PKD2L1: variants seen among roughly 807,000 people sequenced by gnomAD.
The protein encoded by PKD2L1 is polycystin-2-like protein 1.
Under a neutral mutation model 93.0 loss-of-function variants are expected in PKD2L1, and 77 were observed. The observed-to-expected ratio is 0.83, with a 90% CI of 0.69 to 1.00. The LOEUF is 1.00. Among genes scored for constraint, PKD2L1 ranks in the 50% least tolerant of loss-of-function variants. PKD2L1 has a pLI of 0.00. For missense variants in PKD2L1, 977 were observed against 990.9 expected (o/e 0.99, Z 0.19); for synonymous variants, 390 against 388.0 (o/e 1.01, Z -0.06).
intron 3 of PKD2L1, 26 bp from the exon 4 acceptor site, chr10:100,298,841 T>C: frequency 1.3e-6 from 2 of 1,595,230 alleles, no homozygotes; most frequent in Non-Finnish European, 1.7e-6. Context: ...GCTTGAACCT[T>C]ACCCAGCCTC....
chr10:100,321,756 A>AAAGGAGGG (rs1849249183), intron 2 of PKD2L1, among the ~76,000 whole-genome samples: 1 of 1,834 alleles, frequency 5.5e-4, no homozygotes, highest in Non-Finnish European at 1.1e-3. Context: ...AGAAAGAAAG[A>AAAGGAGGG]AGGGAGGGAG....
At position 100,298,570 on chromosome 10, in the gene PKD2L1, A is replaced by G; in HGVS notation, c.723T>C (p.Asn241=). 1.2e-6 allele frequency: 2 copies of G among 1,614,152 alleles called. No individual in the cohort carries two copies. Among genetic ancestry groups the G allele is most frequent in the South Asian group, 2.2e-5 (2 of 91,078 alleles). ...KEEQLPFGPF[N]GTAWTYHSQD... ...AGGACAGGCTCACTCACGCTGTGCC[A>G]TTGAAGGGCCCAAAGGGGAGTTGTT... is the stretch of plus-strand genomic sequence containing the variant. The change falls in exon 4 of 16, where the codon AAT becomes AAC. Residue 241 remains asparagine (N), a synonymous_variant. Transcript: ENST00000318222.
rs145997401 is a variant in PKD2L1, at chr10:100,296,240, C to T, written c.1238G>A (p.Arg413Gln). The change falls in exon 7 of 16, where the codon CGG becomes CAG. Residue 413 changes from arginine (R) to glutamine (Q), a missense_variant. Arg to Gln is a conservative substitution (Grantham distance 43). Coordinates refer to ENST00000318222, the MANE Select transcript of PKD2L1 (RefSeq NM_016112.3). ...CTGCTGCAGGAGCTTCCCCATGAGC[C>T]GATTCACCTCGAGGGTTCGGAATAT... Reference protein sequence around the residue: ...FHIFRTLEVNRLMGKLLQQPN... With the variant: ...FHIFRTLEVNQLMGKLLQQPN... 1.8e-5 allele frequency: 29 copies of T among 1,610,362 alleles called. No individual in the cohort carries two copies. Among genetic ancestry groups the T allele is most frequent in the South Asian group, 6.6e-5 (6 of 90,378 alleles).
rs529114199 is a variant in PKD2L1 at position 100,296,207 on chromosome 10, G to A, written c.1271C>T (p.Thr424Met). ...GGCGAGGAACTCAAAGTCTGCATAC[G>A]TGTTTGGCTGCTGCAGGAGCTTCCC... ...LMGKLLQQPN[T>M]YADFEFLAFW... Residue 424 changes from threonine to methionine, a missense_variant, in exon 7 of 16, where the codon ACG (threonine) becomes ATG (methionine). Physicochemically the swap from Thr to Met is moderately conservative, Grantham distance 81 (BLOSUM62 -1). Transcript: ENST00000318222. 2.6e-5 allele frequency: 42 copies of A among 1,612,338 alleles called. No individual in the cohort carries two copies. The highest frequency in any genetic ancestry group is 2.1e-4 in the African/African-American group (16 of 74,926).
intron 2 of PKD2L1, among the ~76,000 whole-genome samples, chr10:100,322,383 C>T (rs1170677175): frequency 6.6e-6 from 1 of 151,846 alleles, no homozygotes; most frequent in Non-Finnish European, 1.5e-5. Flanking sequence ...AAAAATTAGC[C>T]GGGCATGGTC....
chr10:100,291,099 T>C (rs1401303386), intron 12 of PKD2L1, among the ~76,000 whole-genome samples: 1 of 152,232 alleles, frequency 6.6e-6, no homozygotes, highest in Non-Finnish European at 1.5e-5. Context: ...TTAATTGGTC[T>C]AGAGTGTGTG....
chr10:100,293,305 C>T lies in PKD2L1; in HGVS notation c.1734G>A (p.Leu578=). 1 of 1,611,952 alleles carries T rather than the reference C, an allele frequency of 6.2e-7. No homozygotes were observed. Among genetic ancestry groups the T allele is most frequent in the Non-Finnish European group, 8.5e-7 (1 of 1,177,976 alleles). Residue 578 remains leucine, a synonymous_variant, in exon 10 of 16, where the codon CTG becomes CTA. Coordinates refer to ENST00000318222, the MANE Select transcript of PKD2L1 (RefSeq NM_016112.3). ...KEELAGQKDE[L]QLSDLLKQGY... ...CCTGTTTCAGGAGGTCAGAAAGTTG[C>T]AGCTCATCCTTCTGTCCAGCCAGCT...
intron 2 of PKD2L1, among the ~76,000 whole-genome samples, chr10:100,305,410 G>C (rs989945953): frequency 8.5e-5 from 13 of 152,154 alleles, no homozygotes; most frequent in Non-Finnish European, 1.8e-4. Context: ...CACCACACCC[G>C]GCCAAGTGAA....
intron 5 of PKD2L1, 36 bp downstream of exon 5, chr10:100,297,346 A>G (rs1589664283): frequency 1.3e-6 from 2 of 1,575,698 alleles, no homozygotes; most frequent in Non-Finnish European, 1.7e-6. Flanking sequence ...ACCAGGAGCC[A>G]TGGACAGGGT....
intron 2 of PKD2L1, among the ~76,000 whole-genome samples, chr10:100,322,054 C>T (rs544683450): frequency 2.0e-4 from 31 of 151,916 alleles, no homozygotes; most frequent in African/African-American, 6.8e-4. Flanking sequence ...GGGGAAGCCC[C>T]GTCTCTATGA....
At chr10:100,328,085 T>C (rs1402875632) in intron 2 of PKD2L1, among the ~76,000 whole-genome samples, 2 of 152,204 alleles carry the variant, frequency 1.3e-5, no homozygotes, top group South Asian at 2.1e-4. Context: ...CGATTCAACC[T>C]ACAGCTTTAA....
chr10:100,314,607 A>G (rs1291464669), intron 2 of PKD2L1, among the ~76,000 whole-genome samples: 2 of 152,170 alleles, frequency 1.3e-5, no homozygotes, highest in African/African-American at 4.8e-5. Flanking sequence ...GGAGCCTCCT[A>G]TACTACATTT....
At chr10:100,293,107 C>A in intron 10 of PKD2L1, 38 bp from the exon 11 acceptor site, 1 of 1,605,606 alleles carries the variant, frequency 6.2e-7, no homozygotes, top group Non-Finnish European at 8.5e-7. Context: ...TTCTCACAGG[C>A]TGCTCACTCA....
At chr10:100,295,428 TAAAAAAA>T (rs751427378) in intron 7 of PKD2L1, among the ~76,000 whole-genome samples, 9 of 71,234 alleles carry the variant, frequency 1.3e-4, no homozygotes, top group African/African-American at 5.0e-4. Context: ...CTGGGACCAT[TAAAAAAA>T]AAAAAAAAAA....
chr10:100,308,352 G>A (rs1327722596), intron 2 of PKD2L1, among the ~76,000 whole-genome samples: 1 of 146,116 alleles, frequency 6.8e-6, no homozygotes, highest in Non-Finnish European at 1.5e-5. Flanking sequence ...TTTTTTTCTC[G>A]AGATGGAGTC....
In PKD2L1 at chr10:100,314,987, GAAGGAAGGAAGGAAGGAAGGAAGGA is replaced by G. The variant is rs1849047875; in HGVS notation, c.349+14199_349+14223del. On this transcript the variant is annotated intron_variant, in intron 2 of 15. Coordinates refer to ENST00000318222, the MANE Select transcript of PKD2L1 (RefSeq NM_016112.3). ...AGAAGGAAGGAAGGAAGGAAGGAAG[GAAGGAAGGAAGGAAGGAAGGAAGGA>G]AGGGAAGGGAAGGGAAGGGAAGGGA... Among the ~76,000 whole-genome samples the G allele has an allele frequency of 3.2e-4, 11 of 34,076 alleles. 1 individual carries two copies. The highest frequency in any genetic ancestry group is 1.3e-3 in the Admixed American group (3 of 2,336). 22.4% of individuals were successfully genotyped at this position (34,076 alleles called of 152,430 possible). A position where few individuals can be genotyped will look rare whatever the true frequency, so the allele number is the denominator to read the frequency against.
At chr10:100,309,262 A>G (rs531849491) in intron 2 of PKD2L1, among the ~76,000 whole-genome samples, 1 of 152,344 alleles carries the variant, frequency 6.6e-6, no homozygotes, top group East Asian at 1.9e-4. Context: ...TTATTTTGAA[A>G]ACACTAAGTG....
chr10:100,290,222 G>T lies in PKD2L1; in HGVS notation c.2127-84C>A, dbSNP rs1221368647. ...CTAAAGAGCCAGGGTTCACAGAAGG[G>T]CATGTGTCCTGAATGGAACAAGGAA... On this transcript the variant is annotated intron_variant, in intron 13 of 15. Transcript: ENST00000318222. 4.0e-5 allele frequency: 62 copies of T among 1,549,904 alleles called. 1 individual carries two copies. In the South Asian group the frequency reaches 6.5e-4, roughly 16 times the overall value.
At chr10:100,301,463 C>A (rs71488056) in intron 2 of PKD2L1, among the ~76,000 whole-genome samples, 18,423 of 150,750 alleles carry the variant, frequency 0.12, 1,165 homozygotes, top group Admixed American at 0.15. Flanking sequence ...GGCCCCCCCC[C>A]CGGGAATGCA....
Sources: gnomAD v4.1 joint callset for allele counts (sites outside exome capture counted in the v4.1 genomes callset) on GRCh38, gnomAD v4.1.1 for gene constraint, MANE v1.5 for transcripts, NCBI Gene and HGNC (gene_info 2026-07-23, HGNC 2026-07-21) for gene names.